The following NOL4 variants were observed in gnomAD, a reference collection of about 807,000 sequenced individuals.
NOL4 encodes the protein cancer/testis antigen 125.
A neutral mutation model predicts 75.9 loss-of-function variants in NOL4; 17 were observed. That is an observed-to-expected ratio of 0.22 (90% CI 0.15 to 0.34). The LOEUF (loss-of-function observed/expected upper bound fraction) is 0.34. NOL4 is among the 10% of genes least tolerant of loss of function. NOL4 has a pLI of 1.00. For missense variants in NOL4, 614 were observed against 793.5 expected, an observed-to-expected ratio of 0.77 and a Z score of 2.72; for synonymous variants, 292 against 289.9, an observed-to-expected ratio of 1.01 and a Z score of -0.07.
chr18:34,206,275 A>G (rs2036116648), intron 1 of NOL4, among the ~76,000 whole-genome samples: 1 of 152,100 alleles, frequency 6.6e-6, no homozygotes, highest in Non-Finnish European at 1.5e-5. Context: ...CCTACCATAC[A>G]ATGCTGTATT....
At chr18:33,945,039 T>C (rs1470476128) in intron 8 of NOL4, among the ~76,000 whole-genome samples, 1 of 151,886 alleles carries the variant, frequency 6.6e-6, no homozygotes, top group Non-Finnish European at 1.5e-5. Context: ...GAACATTACA[T>C]TATCAAAAAA....
intron 5 of NOL4, among the ~76,000 whole-genome samples, chr18:34,069,943 T>C (rs2077438852): frequency 6.6e-6 from 1 of 152,256 alleles, no homozygotes; most frequent in South Asian, 2.1e-4. Context: ...TCACTAATCA[T>C]ATAAGATACC....
chr18:34,131,792 ATAC>A (rs898427866), intron 1 of NOL4, among the ~76,000 whole-genome samples: 2 of 152,170 alleles, frequency 1.3e-5, no homozygotes, highest in Non-Finnish European at 2.9e-5. Context: ...CAAGGCCCAG[ATAC>A]TACTAAACCC....
At chr18:34,186,818 T>C (rs1300714233) in intron 1 of NOL4, among the ~76,000 whole-genome samples, 1 of 152,172 alleles carries the variant, frequency 6.6e-6, no homozygotes, top group Non-Finnish European at 1.5e-5. Flanking sequence ...TTATTCACAT[T>C]GAAGCTTTTT....
intron 5 of NOL4, among the ~76,000 whole-genome samples, chr18:34,053,657 AAAT>A (rs1294408293): frequency 1.3e-5 from 2 of 152,024 alleles, no homozygotes; most frequent in African/African-American, 2.4e-5. Flanking sequence ...ATACTTAAGA[AAAT>A]AATGTTAGGA....
intron 10 of NOL4, among the ~76,000 whole-genome samples, chr18:33,882,207 G>A (rs1197301221): frequency 6.6e-6 from 1 of 152,126 alleles, no homozygotes; most frequent in Non-Finnish European, 1.5e-5. Flanking sequence ...TGACAAATGG[G>A]ATCTAATTAA....
chr18:34,185,017 C>G (rs2034346065), intron 1 of NOL4, among the ~76,000 whole-genome samples: 1 of 152,198 alleles, frequency 6.6e-6, no homozygotes, highest in Middle Eastern at 3.4e-3. Context: ...ATCTCATCCT[C>G]TAACAACACT....
chr18:33,868,469 G>A (rs2063538025), intron 10 of NOL4, among the ~76,000 whole-genome samples: 1 of 151,998 alleles, frequency 6.6e-6, no homozygotes, highest in South Asian at 2.1e-4. Context: ...CTATTCAGGA[G>A]AATTCCCTTA....
chr18:33,935,969 C>T (rs537709948), intron 9 of NOL4, among the ~76,000 whole-genome samples: 1 of 152,136 alleles, frequency 6.6e-6, no homozygotes, highest in South Asian at 2.1e-4. Flanking sequence ...AAGTTTCAAG[C>T]CATATCTTGT....
rs529571162 is a variant in NOL4 at position 33,961,848 on chromosome 18, T to C, written c.1057-3430A>G. Among the ~76,000 whole-genome samples the C allele has an allele frequency of 5.9e-5, 9 of 152,190 alleles. No homozygotes were observed. In the South Asian group the frequency reaches 1.0e-3, roughly 18 times the overall value. ...TTGGAATCTCAGTGGATTGCCAAAG[T>C]AGAAGGAGAAAGGCAAGTGTGTAAA... On this transcript the variant is annotated intron_variant, in intron 6 of 10. Transcript: ENST00000261592.
At chr18:34,014,659 T>C (rs893286049) in intron 6 of NOL4, among the ~76,000 whole-genome samples, 1 of 151,982 alleles carries the variant, frequency 6.6e-6, no homozygotes, top group African/African-American at 2.4e-5. Flanking sequence ...CTCTTTATCA[T>C]CATTTCAGCC....
At chr18:34,043,946 T>C (rs187777411) in intron 5 of NOL4, among the ~76,000 whole-genome samples, 1 of 152,104 alleles carries the variant, frequency 6.6e-6, no homozygotes, top group Admixed American at 6.6e-5. Context: ...CTTAGGGGTC[T>C]CTCTCATGGG....
chr18:34,165,727 T>C (rs538767447), intron 1 of NOL4, among the ~76,000 whole-genome samples: 1 of 152,240 alleles, frequency 6.6e-6, no homozygotes, highest in South Asian at 2.1e-4. Flanking sequence ...ATACCCCAAA[T>C]ACGTAATTTT....
chr18:33,962,874 A>C (rs945449777), intron 6 of NOL4, among the ~76,000 whole-genome samples: 1 of 152,212 alleles, frequency 6.6e-6, no homozygotes, highest in Non-Finnish European at 1.5e-5. Flanking sequence ...TGGAACAGTA[A>C]AAAATGTATA....
At chr18:34,031,624 T>C (rs981933540) in intron 5 of NOL4, among the ~76,000 whole-genome samples, 9 of 152,208 alleles carry the variant, frequency 5.9e-5, no homozygotes, top group African/African-American at 2.2e-4. Flanking sequence ...AGATATTTTA[T>C]ACTTTCAAAA....
intron 5 of NOL4, among the ~76,000 whole-genome samples, chr18:34,027,271 T>A (rs2075391810): frequency 6.6e-6 from 1 of 152,102 alleles, no homozygotes; most frequent in South Asian, 2.1e-4. Flanking sequence ...GGAGCTCTCA[T>A]GTGGGTTGGA....
chr18:33,876,474 C>A (rs1295455477), intron 10 of NOL4, among the ~76,000 whole-genome samples: 1 of 152,034 alleles, frequency 6.6e-6, no homozygotes, highest in Non-Finnish European at 1.5e-5. Context: ...CTCAAGAATT[C>A]TCAAACTGAG....
intron 10 of NOL4, among the ~76,000 whole-genome samples, chr18:33,878,614 A>G (rs2064072236): frequency 6.6e-6 from 1 of 152,116 alleles, no homozygotes. Flanking sequence ...GTGATTTCCT[A>G]GAGTATAAAC....
At chr18:34,039,432 G>A (rs1050412427) in intron 5 of NOL4, among the ~76,000 whole-genome samples, 1 of 151,912 alleles carries the variant, frequency 6.6e-6, no homozygotes, top group Non-Finnish European at 1.5e-5. Flanking sequence ...AGACTTCAAT[G>A]AATCTCTAAT....
Sources: allele counts gnomAD v4.1 joint callset (sites outside exome capture counted in the v4.1 genomes callset), GRCh38; gene constraint gnomAD v4.1.1; transcripts MANE v1.5; gene names NCBI Gene and HGNC (gene_info 2026-07-23, HGNC 2026-07-21).